Variants in LAMC3 observed in about 807,000 individuals in gnomAD.
The protein encoded by LAMC3 is laminin subunit gamma 3.
LAMC3 carries 128 observed loss-of-function variants against 173.8 expected under a neutral mutation model. That is an observed-to-expected ratio of 0.74 (90% CI 0.64 to 0.85). LAMC3 has a LOEUF of 0.85. Ranked by LOEUF, LAMC3 falls within the 40% of genes least tolerant of loss-of-function variation. The pLI is 0.00. For synonymous variants in LAMC3, 897 were observed against 909.1 expected (o/e 0.99, Z 0.24); for missense variants, 2,022 against 2,156.0 (o/e 0.94, Z 1.23).
intron 8 of LAMC3, among the ~76,000 whole-genome samples, chr9:131,046,648 C>G (rs1588149741): frequency 6.6e-6 from 1 of 150,514 alleles, no homozygotes; most frequent in Admixed American, 6.6e-5. Context: ...TATGAGTGTC[C>G]GCGCCCAGCT....
chr9:131,087,844 G>A, intron 27 of LAMC3, 27 bp downstream of exon 27: 2 of 1,590,032 alleles, frequency 1.3e-6, no homozygotes, highest in South Asian at 2.2e-5. Flanking sequence ...GCTGGGCCCT[G>A]AACCCCTGGG....
At chr9:131,013,684 C>G (rs965372910) in intron 1 of LAMC3, among the ~76,000 whole-genome samples, 6 of 152,194 alleles carry the variant, frequency 3.9e-5, no homozygotes, top group African/African-American at 1.4e-4. Flanking sequence ...AAGGGTCTCG[C>G]TGAGACCTGA....
At chr9:131,070,315 T>C (rs890997615) in intron 17 of LAMC3, among the ~76,000 whole-genome samples, 1 of 152,230 alleles carries the variant, frequency 6.6e-6, no homozygotes, top group African/African-American at 2.4e-5. Context: ...TAAGCCTCTG[T>C]CTCTTTCGTA....
At chr9:131,087,384 A>C in intron 25 of LAMC3, 92 bp from the exon 26 acceptor site, 1 of 1,473,336 alleles carries the variant, frequency 6.8e-7, no homozygotes, top group Non-Finnish European at 9.5e-7. Context: ...GGTACAGACA[A>C]CTGCTTGGCA....
chr9:131,023,964 G>A (rs1298937502), intron 1 of LAMC3, among the ~76,000 whole-genome samples: 1 of 151,958 alleles, frequency 6.6e-6, no homozygotes, highest in East Asian at 1.9e-4. Flanking sequence ...CCCACTCTGT[G>A]GGTTGCCTTT....
chr9:131,086,392 TTTG>T (rs758099055), intron 25 of LAMC3, among the ~76,000 whole-genome samples: 505 of 40,688 alleles, frequency 0.012, 6 homozygotes, highest in African/African-American at 0.071. Context: ...GGTTTTTGGT[TTTG>T]TTTTTTTTTT....
At chr9:131,068,351 A>C (rs1040415320) in intron 15 of LAMC3, 120 bp downstream of exon 15, 1 of 1,034,242 alleles carries the variant, frequency 9.7e-7, no homozygotes. Context: ...TGCCAGGCAC[A>C]TTGTGCCCTT....
chr9:131,078,218 G>A (rs1289046169), intron 22 of LAMC3, among the ~76,000 whole-genome samples: 3 of 152,116 alleles, frequency 2.0e-5, no homozygotes, highest in East Asian at 1.9e-4. Flanking sequence ...TTGGCCGGGC[G>A]CGGTGGCTCA....
intron 23 of LAMC3, chr9:131,080,496 C>G (rs1240976042): frequency 6.6e-6 from 1 of 152,092 alleles, no homozygotes; most frequent in African/African-American, 2.4e-5. Flanking sequence ...ACCATGTTGG[C>G]CAGGCTGAAC....
chr9:131,085,980 G>T, intron 25 of LAMC3: 4 of 545,848 alleles, frequency 7.3e-6, no homozygotes, highest in South Asian at 2.5e-5. Context: ...CTTACACCTG[G>T]GTCTGCTGGC....
chr9:131,057,602 C>G (rs1405299812), intron 12 of LAMC3, among the ~76,000 whole-genome samples: 11 of 152,220 alleles, frequency 7.2e-5, no homozygotes, highest in Non-Finnish European at 1.2e-4. Context: ...GGCACCAACC[C>G]AGAACCACAG....
At chr9:131,047,421 C>G (rs1046143817) in intron 8 of LAMC3, among the ~76,000 whole-genome samples, 31 of 151,600 alleles carry the variant, frequency 2.0e-4, no homozygotes, top group Non-Finnish European at 7.4e-5. Context: ...CCCTCCTCAG[C>G]CTCCCAGAGT....
Position 131,026,380 on chromosome 9 carries a change from T to C in LAMC3, c.469T>C (p.Trp157Arg). 3 of 1,614,126 alleles carry C rather than the reference T, an allele frequency of 1.9e-6. No homozygotes were observed. Among genetic ancestry groups the C allele is most frequent in the South Asian group, 1.1e-5 (1 of 91,086 alleles). The change falls in exon 2 of 28, where the codon TGG becomes CGG. Residue 157 changes from tryptophan (W) to arginine (R), a missense_variant. Physicochemically the swap from Trp to Arg is moderately radical, Grantham distance 101 (BLOSUM62 -3). Transcript: ENST00000361069. The surrounding 1 kb of genome is among the most constrained non-coding windows in gnomAD (Gnocchi z 4.8). ...IYKRSRADGP[W>R]EPYQFYSASC... ...CAAGCGCAGCCGCGCCGACGGCCCATGGGAGCCCTACCAGTTCTACAGCGC... is the reference window on the plus strand; with the variant it reads ...CAAGCGCAGCCGCGCCGACGGCCCACGGGAGCCCTACCAGTTCTACAGCGC...
chr9:131,093,310 T>G lies in LAMC3; in HGVS notation c.*1523T>G, dbSNP rs1830454205. On this transcript the variant is annotated 3_prime_UTR_variant, in exon 28 of 28. Transcript: ENST00000361069. ...CCTAGGAGCTGGTGAGTTGGAGGGG[T>G]GGGGTGCGGAGAGGCCCTCAGCTGA... The G allele has an allele frequency of 6.7e-6, 1 of 148,878 alleles. No homozygotes were observed. The highest frequency in any genetic ancestry group is 2.5e-5 in the African/African-American group (1 of 39,896). The allele number at this position is 148,878 out of a possible 1,614,324, so 9.2% of individuals were successfully genotyped here.
intron 13 of LAMC3, among the ~76,000 whole-genome samples, chr9:131,064,380 A>G (rs1316603700): frequency 1.3e-5 from 2 of 152,238 alleles, no homozygotes; most frequent in Non-Finnish European, 2.9e-5. Context: ...ATAAATGTAC[A>G]TGGCCGGGCA....
In LAMC3 at chr9:131,091,680, C is replaced by T. The variant is rs763671467; in HGVS notation, c.4621C>T (p.Leu1541=). 1.2e-6 allele frequency: 2 copies of T among 1,610,200 alleles called. No individual in the cohort carries two copies. Among genetic ancestry groups the T allele is most frequent in the South Asian group, 2.2e-5 (2 of 90,350 alleles). Reference sequence around the variant, plus strand: ...GGAGCAGGAATCCCAGCAGCAGGAGCTGCAGATCCAGGGCTTCGAGAGTGA... The same window carrying T: ...GGAGCAGGAATCCCAGCAGCAGGAGTTGCAGATCCAGGGCTTCGAGAGTGA... ...LLEQESQQQE[L]QIQGFESDLA... Residue 1541 remains leucine, a synonymous_variant, in exon 28 of 28, where the codon CTG becomes TTG. Coordinates refer to ENST00000361069, the MANE Select transcript of LAMC3 (RefSeq NM_006059.4).
At chr9:131,021,485 T>C (rs1833624516) in intron 1 of LAMC3, among the ~76,000 whole-genome samples, 2 of 152,110 alleles carry the variant, frequency 1.3e-5, no homozygotes, top group African/African-American at 4.8e-5. Flanking sequence ...TATATATAAC[T>C]GTGTAGGGAA....
At chr9:131,088,090 A>T (rs1416356235) in intron 27 of LAMC3, among the ~76,000 whole-genome samples, 1 of 152,186 alleles carries the variant, frequency 6.6e-6, no homozygotes, top group Non-Finnish European at 1.5e-5. Flanking sequence ...CAGGGGGCAC[A>T]CAGAAAACTC....
At chr9:131,089,309 T>G (rs1830383105) in intron 27 of LAMC3, among the ~76,000 whole-genome samples, 1 of 151,422 alleles carries the variant, frequency 6.6e-6, no homozygotes, top group Non-Finnish European at 1.5e-5. Flanking sequence ...ATGTACCCTA[T>G]AACTTAAAAA....
Sources: gnomAD v4.1 joint callset for allele counts (sites outside exome capture counted in the v4.1 genomes callset) on GRCh38, gnomAD v4.1.1 for gene constraint, Gnocchi (gnomAD v3.1) non-coding constraint, MANE v1.5 for transcripts, NCBI Gene and HGNC (gene_info 2026-07-23, HGNC 2026-07-21) for gene names.